RALGPS1: variants seen among roughly 807,000 people sequenced by gnomAD.
The protein encoded by RALGPS1 is ras-specific guanine nucleotide-releasing factor RalGPS1.
In RALGPS1, 19 loss-of-function variants were observed where a neutral mutation model predicts 78.8. The observed-to-expected ratio is 0.24, with a 90% CI of 0.17 to 0.35. RALGPS1 has a LOEUF of 0.35. Ranked by LOEUF, RALGPS1 falls within the 10% of genes least tolerant of loss-of-function variation. RALGPS1 has a pLI of 1.00. For missense variants in RALGPS1, 454 were observed against 688.3 expected (o/e 0.66, Z 3.81); for synonymous variants, 228 against 256.3 (o/e 0.89, Z 1.06).
At chr9:127,041,987 T>A (rs1434692032) in intron 5 of RALGPS1, among the ~76,000 whole-genome samples, 1 of 152,194 alleles carries the variant, frequency 6.6e-6, no homozygotes, top group Non-Finnish European at 1.5e-5. Flanking sequence ...ATGGGACCTC[T>A]AAGATGCTTT....
chr9:127,141,125 G>A (rs1001990061), intron 8 of RALGPS1, among the ~76,000 whole-genome samples: 11 of 152,126 alleles, frequency 7.2e-5, no homozygotes, highest in African/African-American at 1.2e-4. Context: ...CTCCAGCAGC[G>A]CTGGGCAGCT....
At chr9:127,086,220 TGGTTATGCCACTTGGTCATTAGGTA>T (rs1207314243) in intron 8 of RALGPS1, among the ~76,000 whole-genome samples, 3 of 152,200 alleles carry the variant, frequency 2.0e-5, no homozygotes, top group Non-Finnish European at 4.4e-5. Flanking sequence ...AGCTATCATA[TGGTTATGCCACTTGGTCATTAGGTA>T]GAAGGATTGC....
intron 1 of RALGPS1, among the ~76,000 whole-genome samples, chr9:126,961,070 C>G (rs903106440): frequency 6.6e-6 from 1 of 152,166 alleles, no homozygotes; most frequent in African/African-American, 2.4e-5. Flanking sequence ...TCCCTCCTTA[C>G]TCTCCTGGTC....
At chr9:127,084,899 T>TAATC (rs1169308264) in intron 8 of RALGPS1, among the ~76,000 whole-genome samples, 1 of 152,244 alleles carries the variant, frequency 6.6e-6, no homozygotes, top group Non-Finnish European at 1.5e-5. Flanking sequence ...CTTTTTGGCT[T>TAATC]AATCTAGTCA....
chr9:126,962,413 C>G, intron 2 of RALGPS1, 67 bp downstream of exon 2: 2 of 1,535,240 alleles, frequency 1.3e-6, no homozygotes, highest in South Asian at 1.1e-5. Context: ...CAGGCCCCAG[C>G]TGAGCCTTGG....
intron 4 of RALGPS1, among the ~76,000 whole-genome samples, chr9:126,991,123 G>A (rs936222731): frequency 1.6e-4 from 24 of 152,272 alleles, no homozygotes; most frequent in African/African-American, 5.8e-4. Flanking sequence ...ACCGCTCTGA[G>A]TTCACATTTG....
chr9:127,035,032 T>C (rs1471326045), intron 5 of RALGPS1, among the ~76,000 whole-genome samples: 1 of 152,164 alleles, frequency 6.6e-6, no homozygotes, highest in East Asian at 1.9e-4. Context: ...ATCCCCACAT[T>C]GTACCCTGTG....
At chr9:127,028,425 T>C (rs78512538) in intron 4 of RALGPS1, among the ~76,000 whole-genome samples, 2,856 of 152,366 alleles carry the variant, frequency 0.019, 36 homozygotes, top group Middle Eastern at 0.071. Flanking sequence ...CTGTGAGGGT[T>C]CTGTGAGGAT....
chr9:127,066,030 CTGTG>C (rs2049663365), intron 7 of RALGPS1, among the ~76,000 whole-genome samples: 1 of 152,176 alleles, frequency 6.6e-6, no homozygotes, highest in African/African-American at 2.4e-5. Flanking sequence ...TTCTGAATGT[CTGTG>C]TGAGTGTGTG....
At chr9:127,117,947 A>AGG (rs960476454) in intron 8 of RALGPS1, among the ~76,000 whole-genome samples, 1 of 152,202 alleles carries the variant, frequency 6.6e-6, no homozygotes, top group African/African-American at 2.4e-5. Context: ...ACTAGGCAGC[A>AGG]GGGGGTTGCT....
At chr9:127,106,539 A>T (rs538965444) in intron 8 of RALGPS1, among the ~76,000 whole-genome samples, 1 of 152,354 alleles carries the variant, frequency 6.6e-6, no homozygotes, top group East Asian at 1.9e-4. Context: ...AGATGAGGAA[A>T]CCGAGCCTCA....
rs1343152824 is a variant in RALGPS1, at chr9:127,211,765, G to A, written c.1248-366G>A. On this transcript the variant is annotated intron_variant, in intron 14 of 18. Transcript: ENST00000259351. The surrounding 1 kb of genome is among the most constrained non-coding windows in gnomAD (Gnocchi z 5.0). The stretch of plus-strand genomic sequence containing the variant: ...CAGAAGGAGGGGCTGCTGGAGCTGG[G>A]GCTTCACAGGCACCAGCTCCTCAGG... Among the ~76,000 whole-genome samples, 1 of 152,166 alleles carries A rather than the reference G, an allele frequency of 6.6e-6. No homozygotes were observed. Among genetic ancestry groups the A allele is most frequent in the African/African-American group, 2.4e-5 (1 of 41,434 alleles).
intron 8 of RALGPS1, among the ~76,000 whole-genome samples, chr9:127,095,044 G>A (rs997073080): frequency 2.0e-5 from 3 of 152,208 alleles, no homozygotes; most frequent in African/African-American, 7.2e-5. Context: ...TCAAGGCCTA[G>A]CCATTCAGAT....
intron 14 of RALGPS1, among the ~76,000 whole-genome samples, chr9:127,206,586 C>T (rs2061943056): frequency 6.6e-6 from 1 of 152,062 alleles, no homozygotes; most frequent in Admixed American, 6.5e-5. Context: ...TCCCATGACA[C>T]GTGGAGATTA....
At chr9:127,053,303 C>T (rs528752266) in intron 7 of RALGPS1, among the ~76,000 whole-genome samples, 2 of 152,210 alleles carry the variant, frequency 1.3e-5, no homozygotes, top group South Asian at 2.1e-4. Flanking sequence ...GCTGATGGTT[C>T]GCAGCTGCCC....
At chr9:127,165,843 A>C (rs2139604553) in intron 8 of RALGPS1, among the ~76,000 whole-genome samples, 1 of 152,368 alleles carries the variant, frequency 6.6e-6, no homozygotes, top group South Asian at 2.1e-4. Flanking sequence ...AGAAATGCTA[A>C]AATCTTGCCA....
chr9:126,940,939 A>G (rs1564282852), intron 1 of RALGPS1, among the ~76,000 whole-genome samples: 1 of 152,216 alleles, frequency 6.6e-6, no homozygotes, highest in African/African-American at 2.4e-5. Flanking sequence ...ACCTATTTCA[A>G]AAGAAACCAG....
At chr9:127,161,726 A>G (rs2059030976) in intron 8 of RALGPS1, among the ~76,000 whole-genome samples, 1 of 152,228 alleles carries the variant, frequency 6.6e-6, no homozygotes, top group South Asian at 2.1e-4. Context: ...GGGTTCACCT[A>G]TGCCCCTATC....
chr9:126,962,932 A>G (rs2039045673), intron 2 of RALGPS1, among the ~76,000 whole-genome samples: 1 of 152,244 alleles, frequency 6.6e-6, no homozygotes, highest in South Asian at 2.1e-4. Context: ...TGGCAAGGCC[A>G]TACCAGGGTT....
Sources: gnomAD v4.1 joint callset for allele counts (sites outside exome capture counted in the v4.1 genomes callset) on GRCh38, gnomAD v4.1.1 for gene constraint, Gnocchi (gnomAD v3.1) non-coding constraint, MANE v1.5 for transcripts, NCBI Gene and HGNC (gene_info 2026-07-23, HGNC 2026-07-21) for gene names.